Variants in RDX observed in about 807,000 individuals in gnomAD.
RDX encodes the protein radixin.
In RDX, 32 loss-of-function variants were observed where a neutral mutation model predicts 83.7. That is an observed-to-expected ratio of 0.38 (90% CI 0.29 to 0.51). The LOEUF (loss-of-function observed/expected upper bound fraction) is 0.51. Among genes scored for constraint, RDX ranks in the 20% least tolerant of loss-of-function variants. The pLI, the probability that RDX is intolerant of heterozygous loss-of-function variation, is 0.87. For synonymous variants in RDX, 229 were observed against 222.7 expected (o/e 1.03, Z -0.25); for missense variants, 600 against 689.9 (o/e 0.87, Z 1.46).
chr11:110,218,043 C>T (rs1864118222), intron 14 of RDX, among the ~76,000 whole-genome samples: 2 of 152,158 alleles, frequency 1.3e-5, no homozygotes, highest in Non-Finnish European at 2.9e-5. Context: ...CTTCGTGGAG[C>T]CTATTTACTA....
intron 14 of RDX, among the ~76,000 whole-genome samples, chr11:110,207,300 A>G (rs1591511287): frequency 6.6e-6 from 1 of 152,208 alleles, no homozygotes; most frequent in East Asian, 1.9e-4. Flanking sequence ...GAGCAGCTGC[A>G]TAGATCTACT....
rs555389550 is a variant in RDX at position 110,177,305 on chromosome 11, G to A, written c.*32-2071C>T. Among the ~76,000 whole-genome samples, 8 of 152,318 alleles carry A rather than the reference G, an allele frequency of 5.3e-5. No individual in the cohort carries two copies. In the South Asian group the frequency reaches 1.7e-3, roughly 32 times the overall value. On this transcript the variant is annotated intron_variant, in intron 15 of 15. Transcript: ENST00000528498. ...GTCCAGACCCAGCTGCTAATCTGGT[G>A]CCCCCATTGCTGCACTGCACAACTT...
intron 9 of RDX, among the ~76,000 whole-genome samples, chr11:110,248,198 A>C (rs542212611): frequency 1.3e-5 from 2 of 152,242 alleles, no homozygotes; most frequent in Non-Finnish European, 2.9e-5. Flanking sequence ...CCATTCATGT[A>C]AACAAAAACC....
At position 110,215,409 on chromosome 11, in the gene RDX, T is replaced by A. The variant is rs923441679; in HGVS notation, c.1749-15731A>T. On this transcript the variant is annotated intron_variant, in intron 14 of 15. Transcript: ENST00000528498. ...ATAAATAAATAAATAAATAAATAAA[T>A]AAAATAATAATAATGCTTTCCCTCC... Among the ~76,000 whole-genome samples, 29 of 138,346 alleles carry A rather than the reference T, an allele frequency of 2.1e-4. No homozygotes were observed. The East Asian group carries it at 4.2e-3, about 20-fold the overall frequency. The allele number at this position is 138,346 out of a possible 152,430, so 90.8% of individuals were successfully genotyped here. A position where few individuals can be genotyped will look rare whatever the true frequency, so the allele number is the denominator to read the frequency against.
chr11:110,204,601 C>T (rs1863536409), intron 14 of RDX, among the ~76,000 whole-genome samples: 2 of 148,424 alleles, frequency 1.3e-5, no homozygotes, highest in Admixed American at 1.4e-4. Flanking sequence ...ACTGCAACTT[C>T]CGCCTCCCGG....
chr11:110,269,056 C>T (rs1860185405), intron 3 of RDX, among the ~76,000 whole-genome samples: 1 of 151,844 alleles, frequency 6.6e-6, no homozygotes, highest in Non-Finnish European at 1.5e-5. Context: ...TGGGTTTCAG[C>T]AGTTCTCCCA....
chr11:110,254,169 T>C, intron 8 of RDX, 60 bp from the exon 9 acceptor site: 6 of 1,415,366 alleles, frequency 4.2e-6, no homozygotes, highest in East Asian at 2.3e-5. Context: ...CTCATAACAA[T>C]CTGTACTAAA....
At chr11:110,258,393 T>C (rs1475590150) in intron 5 of RDX, among the ~76,000 whole-genome samples, 1 of 152,168 alleles carries the variant, frequency 6.6e-6, no homozygotes, top group Non-Finnish European at 1.5e-5. Flanking sequence ...GGTGGCTAGA[T>C]TGTACCAATG....
In RDX at chr11:110,231,680, G is replaced by C; in HGVS notation, c.*189C>G. The C allele has an allele frequency of 1.6e-6, 1 of 637,178 alleles. No homozygotes were observed. Among genetic ancestry groups the C allele is most frequent in the Non-Finnish European group, 2.8e-6 (1 of 359,604 alleles). The allele number at this position is 637,178 out of a possible 1,614,324, so 39.5% of individuals were successfully genotyped here. A position where few individuals can be genotyped will look rare whatever the true frequency, so the allele number is the denominator to read the frequency against. ...CCATTCCCTGGACCAAAAGAAAAAAGAAAACCAAGCATGATATCATACTGC... is the reference window on the plus strand; with the variant it reads ...CCATTCCCTGGACCAAAAGAAAAAACAAAACCAAGCATGATATCATACTGC... On this transcript the variant is annotated 3_prime_UTR_variant, in exon 14 of 14. Transcript: ENST00000645495.
At chr11:110,226,789 G>A (rs1410292443), downstream of RDX, among the ~76,000 whole-genome samples, 1 of 152,052 alleles carries the variant, frequency 6.6e-6, no homozygotes, top group Non-Finnish European at 1.5e-5. Flanking sequence ...TTTCAAATTA[G>A]AGACTCTTTT....
chr11:110,184,748 C>T (rs1263463880), intron 15 of RDX, among the ~76,000 whole-genome samples: 1 of 152,190 alleles, frequency 6.6e-6, no homozygotes, highest in Non-Finnish European at 1.5e-5. Flanking sequence ...TGGTCAACAA[C>T]ACGGATGATC....
chr11:110,200,017 T>G (rs1174897912), intron 14 of RDX, among the ~76,000 whole-genome samples: 1 of 152,234 alleles, frequency 6.6e-6, no homozygotes, highest in Non-Finnish European at 1.5e-5. Context: ...TAGTAGGTCT[T>G]GTCTTAAAGC....
At chr11:110,180,873 C>T (rs980031464) in intron 15 of RDX, among the ~76,000 whole-genome samples, 1 of 152,084 alleles carries the variant, frequency 6.6e-6, no homozygotes, top group African/African-American at 2.4e-5. Context: ...GCTCCAGCCC[C>T]CCTCTTGGAT....
At chr11:110,257,675 G>A in intron 7 of RDX, 92 bp downstream of exon 7, 4 of 1,319,634 alleles carry the variant, frequency 3.0e-6, no homozygotes, top group Admixed American at 1.7e-5. Context: ...GGGTAATCAA[G>A]ACAAGAAACT....
Position 110,231,787 on chromosome 11 carries a change from G to A in RDX, c.*82C>T. On this transcript the variant is annotated 3_prime_UTR_variant, in exon 14 of 14. Transcript: ENST00000645495. The stretch of plus-strand genomic sequence containing the variant: ...TGTAAGTGCTTTGGCAAGGTGGGAT[G>A]CATTCCATCATATCTGCAAAGGCCT... 2.0e-6 allele frequency: 3 copies of A among 1,472,044 alleles called. No individual in the cohort carries two copies. Among genetic ancestry groups the A allele is most frequent in the Non-Finnish European group, 2.8e-6 (3 of 1,058,478 alleles). 91.2% of individuals were successfully genotyped at this position (1,472,044 alleles called of 1,614,324 possible).
At chr11:110,185,825 G>C (rs1182343984) in intron 15 of RDX, among the ~76,000 whole-genome samples, 2 of 152,170 alleles carry the variant, frequency 1.3e-5, no homozygotes, top group African/African-American at 4.8e-5. Flanking sequence ...TGGCGTGGAG[G>C]TGCTTATGCT....
At chr11:110,289,101 G>C (rs1199922738) in intron 1 of RDX, among the ~76,000 whole-genome samples, 2 of 152,050 alleles carry the variant, frequency 1.3e-5, no homozygotes, top group Non-Finnish European at 2.9e-5. Flanking sequence ...AGCCGAGCGT[G>C]GTGGCGCATG....
chr11:110,177,499 T>TTCGCTC (rs1322448666), intron 15 of RDX, among the ~76,000 whole-genome samples: 1 of 152,214 alleles, frequency 6.6e-6, no homozygotes, highest in East Asian at 1.9e-4. Flanking sequence ...GCCCCCATTC[T>TTCGCTC]TCCCTCTCCC....
At chr11:110,198,331 A>G (rs1449328567) in intron 15 of RDX, among the ~76,000 whole-genome samples, 1 of 152,138 alleles carries the variant, frequency 6.6e-6, no homozygotes, top group Admixed American at 6.5e-5. Flanking sequence ...AATCATATTG[A>G]AAAATGATTT....
Sources: gnomAD v4.1 joint callset for allele counts (sites outside exome capture counted in the v4.1 genomes callset) on GRCh38, gnomAD v4.1.1 for gene constraint, MANE v1.5 for transcripts, NCBI Gene and HGNC (gene_info 2026-07-23, HGNC 2026-07-21) for gene names.